LRRTM4: variants seen among roughly 807,000 people sequenced by gnomAD.
LRRTM4 encodes the protein leucine-rich repeat transmembrane neuronal protein 4.
In LRRTM4, 25 loss-of-function variants were observed where a neutral mutation model predicts 47.6. That is an observed-to-expected ratio of 0.53 (90% CI 0.38 to 0.73). The LOEUF (loss-of-function observed/expected upper bound fraction) is 0.73. LRRTM4 is among the 30% of genes least tolerant of loss of function. The pLI, the probability that LRRTM4 is intolerant of heterozygous loss-of-function variation, is 0.00. For synonymous variants in LRRTM4, 311 were observed against 269.5 expected (o/e 1.15, Z -1.51); for missense variants, 638 against 713.4 (o/e 0.89, Z 1.20).
At chr2:76,884,049 G>A (rs1174345248) in intron 3 of LRRTM4, among the ~76,000 whole-genome samples, 1 of 151,304 alleles carries the variant, frequency 6.6e-6, no homozygotes, top group Non-Finnish European at 1.5e-5. Context: ...CCAACTCCTG[G>A]CTTCAAGTAA....
chr2:77,187,202 G>T (rs1206641606), intron 3 of LRRTM4, among the ~76,000 whole-genome samples: 6 of 152,132 alleles, frequency 3.9e-5, no homozygotes, highest in Non-Finnish European at 7.4e-5. Flanking sequence ...TTTGCCTTGA[G>T]GTGAAACTAC....
intron 3 of LRRTM4, among the ~76,000 whole-genome samples, chr2:76,975,774 G>T (rs1393967656): frequency 6.6e-6 from 1 of 151,494 alleles, no homozygotes; most frequent in East Asian, 1.9e-4. Flanking sequence ...CACCACATCT[G>T]GCCACATTTA....
intron 3 of LRRTM4, among the ~76,000 whole-genome samples, chr2:77,435,393 A>C (rs1010196764): frequency 6.6e-6 from 1 of 152,202 alleles, no homozygotes; most frequent in African/African-American, 2.4e-5. Flanking sequence ...TTACTCAGCT[A>C]TTCCTTAAAG....
intron 3 of LRRTM4, among the ~76,000 whole-genome samples, chr2:77,415,189 A>G (rs1674591913): frequency 6.6e-6 from 1 of 152,176 alleles, no homozygotes; most frequent in Non-Finnish European, 1.5e-5. Context: ...TTTTTTCTGA[A>G]GGAATATTTT....
At chr2:77,483,646 G>A (rs772658922) in intron 3 of LRRTM4, among the ~76,000 whole-genome samples, 1 of 152,138 alleles carries the variant, frequency 6.6e-6, no homozygotes, top group Non-Finnish European at 1.5e-5. Context: ...CAGCAGGGAA[G>A]AGGACTTTGA....
At chr2:76,904,670 T>C (rs554341312) in intron 3 of LRRTM4, among the ~76,000 whole-genome samples, 81 of 152,248 alleles carry the variant, frequency 5.3e-4, no homozygotes, top group South Asian at 1.0e-3. Flanking sequence ...TGTTGGCACA[T>C]TGGAAAGAAC....
At chr2:77,306,257 G>A (rs530261836) in intron 3 of LRRTM4, among the ~76,000 whole-genome samples, 5 of 152,158 alleles carry the variant, frequency 3.3e-5, no homozygotes, top group Admixed American at 3.3e-4. Context: ...ATAAGAAACC[G>A]AAATAAAATT....
At chr2:77,396,297 C>T (rs1349605048) in intron 3 of LRRTM4, among the ~76,000 whole-genome samples, 1 of 151,908 alleles carries the variant, frequency 6.6e-6, no homozygotes, top group Admixed American at 6.6e-5. Flanking sequence ...ATCTCCACCA[C>T]CGCTGAACTC....
At chr2:76,938,694 G>T (rs965175399) in intron 3 of LRRTM4, among the ~76,000 whole-genome samples, 4 of 151,990 alleles carry the variant, frequency 2.6e-5, no homozygotes, top group South Asian at 4.1e-4. Flanking sequence ...TCAGGAAGAG[G>T]TCTTAGAATA....
intron 3 of LRRTM4, among the ~76,000 whole-genome samples, chr2:76,840,510 A>C (rs575799110): frequency 5.9e-5 from 9 of 152,206 alleles, no homozygotes; most frequent in African/African-American, 2.2e-4. Flanking sequence ...AGAAAAGGTT[A>C]ATGTTTATGT....
chr2:77,469,826 A>G (rs1451431330), intron 3 of LRRTM4, among the ~76,000 whole-genome samples: 2 of 152,154 alleles, frequency 1.3e-5, no homozygotes, highest in African/African-American at 4.8e-5. Context: ...CTTCTTCTAT[A>G]GTACTTCATA....
At chr2:76,818,561 T>A (rs1348444973) in intron 3 of LRRTM4, among the ~76,000 whole-genome samples, 1 of 151,808 alleles carries the variant, frequency 6.6e-6, no homozygotes, top group Non-Finnish European at 1.5e-5. Context: ...TTTCAATTCC[T>A]CACAAATAGA....
At chr2:77,305,922 G>A (rs1215054863) in intron 3 of LRRTM4, among the ~76,000 whole-genome samples, 1 of 151,996 alleles carries the variant, frequency 6.6e-6, no homozygotes, top group Non-Finnish European at 1.5e-5. Context: ...ACATAAGCCA[G>A]GATAATAGTA....
intron 3 of LRRTM4, among the ~76,000 whole-genome samples, chr2:77,237,868 G>A (rs2103983412): frequency 6.6e-6 from 1 of 152,244 alleles, no homozygotes; most frequent in East Asian, 1.9e-4. Context: ...TGTGACTGAA[G>A]GAAGAGCAAA....
intron 3 of LRRTM4, among the ~76,000 whole-genome samples, chr2:77,029,909 G>C (rs947281089): frequency 2.0e-5 from 3 of 151,932 alleles, no homozygotes; most frequent in African/African-American, 7.3e-5. Flanking sequence ...AGGGACTCAG[G>C]GGGAAATTAA....
chr2:77,068,031 A>G (rs1004264706), intron 3 of LRRTM4, among the ~76,000 whole-genome samples: 5 of 152,156 alleles, frequency 3.3e-5, no homozygotes, highest in Non-Finnish European at 5.9e-5. Context: ...TAAAAGTTAT[A>G]AATTAATACA....
Position 76,983,681 on chromosome 2 carries a change from C to T in LRRTM4, c.1552-234765G>A, listed in dbSNP as rs1224599979. ...GTAATTATAGTATTTTTTAATTTGA[C>T]TCCTTTTTTCAAAATCATACATGAG... On this transcript the variant is annotated intron_variant, in intron 3 of 3. Coordinates refer to ENST00000409884, the MANE Select transcript of LRRTM4 (RefSeq NM_001134745.3). Among the ~76,000 whole-genome samples the T allele has an allele frequency of 3.9e-5, 6 of 151,974 alleles. No individual in the cohort carries two copies. In the East Asian group the frequency reaches 9.7e-4, roughly 24 times the overall value.
rs562351536 is a variant in LRRTM4 at position 77,337,199 on chromosome 2, C to T, written c.1551+181119G>A. Among the ~76,000 whole-genome samples the T allele has an allele frequency of 5.9e-5, 9 of 152,174 alleles. No homozygotes were observed. The South Asian group carries it at 1.7e-3, about 28-fold the overall frequency. On this transcript the variant is annotated intron_variant, in intron 3 of 3. Transcript: ENST00000409884. ...GTTATCTTCGAAGACAATTACAAAA[C>T]ACTTCTGAAGGAAATCATACATGAC...
rs896176417 is a variant in LRRTM4 at position 77,168,961 on chromosome 2, T to C, written c.1551+349357A>G. 4.6e-5 allele frequency among the ~76,000 whole-genome samples: 7 copies of C among 152,102 alleles called. No individual in the cohort carries two copies. The East Asian group carries it at 7.7e-4, about 17-fold the overall frequency. ...ATATATATGATATATCCTATCAACATAATGAAGGACAAAAACCATATAATC... is the reference window on the plus strand; with the variant it reads ...ATATATATGATATATCCTATCAACACAATGAAGGACAAAAACCATATAATC... On this transcript the variant is annotated intron_variant, in intron 3 of 3. Coordinates refer to ENST00000409884, the MANE Select transcript of LRRTM4 (RefSeq NM_001134745.3).
Sources: gnomAD v4.1 joint callset for allele counts (sites outside exome capture counted in the v4.1 genomes callset) on GRCh38, gnomAD v4.1.1 for gene constraint, MANE v1.5 for transcripts, NCBI Gene and HGNC (gene_info 2026-07-23, HGNC 2026-07-21) for gene names.